The following RAB4B variants were observed in gnomAD, a reference collection of about 807,000 sequenced individuals.
The protein encoded by RAB4B is ras-related protein Rab-4B.
Under a neutral mutation model 28.3 loss-of-function variants are expected in RAB4B, and 15 were observed. That is an observed-to-expected ratio of 0.53 (90% CI 0.35 to 0.82). The LOEUF (loss-of-function observed/expected upper bound fraction) is 0.82. Among genes scored for constraint, RAB4B ranks in the 40% least tolerant of loss-of-function variants. The pLI, the probability that RAB4B is intolerant of heterozygous loss-of-function variation, is 0.01. For missense variants in RAB4B, 244 were observed against 288.5 expected (o/e 0.85, Z 1.12); for synonymous variants, 108 against 116.3 (o/e 0.93, Z 0.46).
chr19:40,781,342 A>T (rs915681920), intron 3 of RAB4B, among the ~76,000 whole-genome samples: 10 of 150,518 alleles, frequency 6.6e-5, no homozygotes, highest in African/African-American at 2.5e-4. Flanking sequence ...AAATAAATAA[A>T]TAAGGGAGGT....
Position 40,786,977 on chromosome 19 carries a change from A to T in RAB4B, c.*14A>T. ...TGTGGCTGCTGAGCTCTGTGGAGCC[A>T]GGTGGGACACTGGGGGCTTTAGGGA... On this transcript the variant is annotated splice_region_variant and 3_prime_UTR_variant, in exon 7 of 8. Transcript: ENST00000357052. The T allele has an allele frequency of 6.2e-7, 1 of 1,612,364 alleles. No homozygotes were observed. Among genetic ancestry groups the T allele is most frequent in the Non-Finnish European group, 8.5e-7 (1 of 1,178,838 alleles).
At position 40,786,860 on chromosome 19, in the gene RAB4B, C is replaced by T. The variant is rs748136181; in HGVS notation, c.539C>T (p.Pro180Leu). The T allele has an allele frequency of 1.9e-6, 3 of 1,614,000 alleles. No individual in the cohort carries two copies. Among genetic ancestry groups the T allele is most frequent in the East Asian group, 2.2e-5 (1 of 44,874 alleles). Residue 180 changes from proline to leucine, a missense_variant, in exon 7 of 8, where the codon CCG becomes CTG. Transcript: ENST00000357052. ...LNKIDSGELD[P>L]ERMGSGIQYG... ...CCCTTCCCCACAGGCGAGCTAGACC[C>T]GGAGAGGATGGGCTCTGGCATTCAG...
chr19:40,778,412 T>TG, intron 1 of RAB4B, 21 bp downstream of exon 1: 1 of 1,450,436 alleles, frequency 6.9e-7, no homozygotes, highest in Non-Finnish European at 9.1e-7. Context: ...TGGACGAAGC[T>TG]GGGGTCCTGG....
At chr19:40,788,784 C>CTTTTT (rs1173685187) in intron 7 of RAB4B, among the ~76,000 whole-genome samples, 24 of 84,216 alleles carry the variant, frequency 2.8e-4, no homozygotes, top group East Asian at 1.0e-3. Context: ...GACAGGGTTT[C>CTTTTT]TTTTTTTTTT....
At position 40,783,843 on chromosome 19, in the gene RAB4B, G is replaced by C; in HGVS notation, c.275+3G>C. 1 of 1,575,754 alleles carries C rather than the reference G, an allele frequency of 6.3e-7. No homozygotes were observed. The highest frequency in any genetic ancestry group is 8.6e-7 in the Non-Finnish European group (1 of 1,156,622). ...CTGCTGGTGTACGACATCACCAGGT[G>C]GGTGCCCGGGGTGGGTGGGGTAGGG... is the stretch of plus-strand genomic sequence containing the variant. On this transcript the variant is annotated splice_donor_region_variant and intron_variant, in intron 4 of 7. Transcript: ENST00000357052.
At chr19:40,782,789 G>A (rs1318450915) in intron 3 of RAB4B, among the ~76,000 whole-genome samples, 4 of 150,308 alleles carry the variant, frequency 2.7e-5, no homozygotes, top group Non-Finnish European at 4.4e-5. Context: ...CTTCAGCCTG[G>A]GCGACAGAGC....
At chr19:40,791,975 C>G (rs957362184) in intron 7 of RAB4B, among the ~76,000 whole-genome samples, 4 of 152,192 alleles carry the variant, frequency 2.6e-5, no homozygotes. Flanking sequence ...AGGATTTGGT[C>G]CCATCCCTCC....
rs542550525 is a variant in RAB4B, at chr19:40,795,612, G to A, written c.*16-958G>A. Among the ~76,000 whole-genome samples, 604 of 151,492 alleles carry A rather than the reference G, an allele frequency of 4.0e-3. 4 individuals carry two copies. Among genetic ancestry groups the A allele is most frequent in the Non-Finnish European group, 7.3e-3 (499 of 67,912 alleles). On this transcript the variant is annotated intron_variant, in intron 7 of 7. Coordinates refer to ENST00000357052, the MANE Select transcript of RAB4B (RefSeq NM_016154.5). ...ACGGGGTTTCACCATTGGCCAGGGCGGTCTGAACTCCTGACCTTGTGATCT... is the reference window on the plus strand; with the variant it reads ...ACGGGGTTTCACCATTGGCCAGGGCAGTCTGAACTCCTGACCTTGTGATCT...
chr19:40,790,069 G>A (rs567435770), intron 7 of RAB4B, among the ~76,000 whole-genome samples: 2 of 152,340 alleles, frequency 1.3e-5, no homozygotes, highest in East Asian at 3.9e-4. Context: ...GGGCCTGTGG[G>A]CCCTGGGGAG....
intron 1 of RAB4B, chr19:40,779,042 G>C: frequency 4.1e-6 from 4 of 984,418 alleles, no homozygotes; most frequent in Non-Finnish European, 4.8e-6. Flanking sequence ...GGAGAAGAGT[G>C]CAAAGACCCT....
intron 7 of RAB4B, among the ~76,000 whole-genome samples, chr19:40,793,169 A>C (rs1337957396): frequency 6.6e-6 from 1 of 151,508 alleles, no homozygotes; most frequent in Non-Finnish European, 1.5e-5. Context: ...GTCACTCTCC[A>C]TTTCCCCCAA....
intron 3 of RAB4B, among the ~76,000 whole-genome samples, chr19:40,780,951 C>T (rs921263791): frequency 1.7e-4 from 26 of 151,596 alleles, no homozygotes; most frequent in African/African-American, 6.3e-4. Context: ...GCAAGAGAGA[C>T]AGAGACTAAG....
intron 1 of RAB4B, 105 bp from the exon 2 acceptor site, chr19:40,779,914 C>A: frequency 6.3e-7 from 1 of 1,598,140 alleles, no homozygotes; most frequent in South Asian, 1.1e-5. Flanking sequence ...GTTTCTCTCC[C>A]TCTAACTGTG....
At chr19:40,795,091 C>T (rs1016410781) in intron 7 of RAB4B, among the ~76,000 whole-genome samples, 14 of 147,438 alleles carry the variant, frequency 9.5e-5, no homozygotes, top group South Asian at 2.1e-4. Flanking sequence ...ATGGCGTGAA[C>T]GCAGGAGGCG....
At chr19:40,789,728 T>A (rs1214574238) in intron 7 of RAB4B, among the ~76,000 whole-genome samples, 1 of 149,290 alleles carries the variant, frequency 6.7e-6, no homozygotes, top group Non-Finnish European at 1.5e-5. Flanking sequence ...CTCGATCTCT[T>A]GACCTCGTGA....
chr19:40,778,263 G>A lies in RAB4B; in HGVS notation c.-113G>A, dbSNP rs2083013641. The A allele has an allele frequency of 1.5e-5, 16 of 1,052,870 alleles. No individual in the cohort carries two copies. The highest frequency in any genetic ancestry group is 6.6e-5 in the Admixed American group (2 of 30,356). The allele number at this position is 1,052,870 out of a possible 1,614,324, so 65.2% of individuals were successfully genotyped here. On this transcript the variant is annotated 5_prime_UTR_variant, in exon 1 of 8. Transcript: ENST00000357052. ...GGCGGAGGCGGAAGTGGCGGTGCCG[G>A]GCCCGGGGAGTAGGAAGGAGCCGGG...
chr19:40,778,811 T>C (rs1374879817), intron 1 of RAB4B, among the ~76,000 whole-genome samples: 2 of 151,782 alleles, frequency 1.3e-5, no homozygotes, highest in Non-Finnish European at 2.9e-5. Flanking sequence ...TGGAATGGGT[T>C]TGGGGATGGG....
Position 40,783,929 on chromosome 19 carries a change from CAT to C in RAB4B, c.286_287del (p.Tyr96GlnfsTer32). Reference sequence around the variant, plus strand: ...TTCTCCCTTCTCCACAGCCGGGAGACATACAACTCACTGGCTGCCTGGCTGAC... The same window carrying C: ...TTCTCCCTTCTCCACAGCCGGGAGACACAACTCACTGGCTGCCTGGCTGAC... On this transcript the variant is annotated frameshift_variant, in exon 5 of 8. Coordinates refer to ENST00000357052, the MANE Select transcript of RAB4B (RefSeq NM_016154.5). LOFTEE classifies it high-confidence loss of function. 6.2e-7 allele frequency: 1 copy of C among 1,610,768 alleles called. No individual in the cohort carries two copies. The highest frequency in any genetic ancestry group is 8.5e-7 in the Non-Finnish European group (1 of 1,177,662).
At chr19:40,794,756 T>C (rs1189401550) in intron 7 of RAB4B, 4 of 151,440 alleles carry the variant, frequency 2.6e-5, no homozygotes, top group Non-Finnish European at 5.9e-5. Context: ...AAAAGATAAA[T>C]AGAGATGAGG....
Sources: allele counts gnomAD v4.1 joint callset (sites outside exome capture counted in the v4.1 genomes callset), GRCh38; gene constraint gnomAD v4.1.1; transcripts MANE v1.5; gene names NCBI Gene and HGNC (gene_info 2026-07-23, HGNC 2026-07-21).